Variants in FAHD1 observed in about 807,000 individuals in gnomAD.
FAHD1 encodes FAH domain containing oxaloacetate decarboxylase 1.
FAHD1 carries 14 observed loss-of-function variants against 12.7 expected under a neutral mutation model. The ratio of observed to expected loss-of-function variants is 1.10; its 90% CI spans 0.73 to 1.72. The LOEUF is 1.72. Ranked by LOEUF, FAHD1 falls within the 40% of genes most tolerant of loss-of-function variation. The pLI is 0.00. For synonymous variants in FAHD1, 153 were observed against 124.9 expected, an observed-to-expected ratio of 1.22 and a Z score of -1.50; for missense variants, 351 against 298.9, an observed-to-expected ratio of 1.17 and a Z score of -1.29.
chr16:1,827,436 C>G, exon 1 of FAHD1: 1 of 1,610,408 alleles, frequency 6.2e-7, no homozygotes, highest in Non-Finnish European at 8.5e-7. Context: ...GCAACCTGCA[C>G]CACGAGCTGG....
At chr16:1,830,942 A>ACACACC (rs763868736), downstream of FAHD1, among the ~76,000 whole-genome samples, 3 of 128,120 alleles carry the variant, frequency 2.3e-5, no homozygotes, top group East Asian at 6.7e-4. Flanking sequence ...ACACACACAC[A>ACACACC]CACCCATATT....
downstream of FAHD1, among the ~76,000 whole-genome samples, chr16:1,832,365 G>A (rs1459293530): frequency 2.0e-5 from 3 of 150,622 alleles, no homozygotes; most frequent in Non-Finnish European, 3.0e-5. Flanking sequence ...TAGAGACAGG[G>A]CTTCACCGTG....
At chr16:1,838,227 T>C (rs1280429238) in intron 2 of FAHD1, 6 of 421,654 alleles carry the variant, frequency 1.4e-5, no homozygotes, top group Non-Finnish European at 2.5e-5. Flanking sequence ...CTTGAACTCC[T>C]GGCCTCAAGT....
intron 1 of FAHD1, chr16:1,837,876 TAA>T: frequency 6.7e-6 from 9 of 1,346,594 alleles, no homozygotes; most frequent in Admixed American, 2.7e-5. Flanking sequence ...TGTACCTGGT[TAA>T]AAAAAAAATA....
intron 1 of FAHD1, among the ~76,000 whole-genome samples, chr16:1,835,977 A>G (rs928669081): frequency 6.6e-6 from 1 of 151,538 alleles, no homozygotes; most frequent in African/African-American, 2.4e-5. Flanking sequence ...CTACTGCCTC[A>G]GCCTCCTGAG....
chr16:1,827,870 G>A (rs1898532010), exon 1 of FAHD1: 2 of 1,613,878 alleles, frequency 1.2e-6, no homozygotes, highest in Admixed American at 1.7e-5. Flanking sequence ...GGGCTGGTCA[G>A]TATGACATTT....
exon 3 of FAHD1, chr16:1,839,479 A>T: frequency 6.5e-7 from 1 of 1,537,764 alleles, no homozygotes; most frequent in Non-Finnish European, 8.8e-7. Flanking sequence ...TGATGCCCTA[A>T]GCTACAAATT....
chr16:1,838,062 T>G, exon 2 of FAHD1: 2 of 1,068,846 alleles, frequency 1.9e-6, no homozygotes, highest in Non-Finnish European at 2.7e-6. Flanking sequence ...AGCAGTGCTA[T>G]CACAGCTCAC....
exon 1 of FAHD1, chr16:1,827,250 C>T (rs957502688): frequency 4.1e-5 from 66 of 1,608,622 alleles, no homozygotes; most frequent in Non-Finnish European, 5.2e-5. Flanking sequence ...TGGCAGCATC[C>T]AGGCCATTGT....
chr16:1,834,071 GA>G, intron 1 of FAHD1: 1 of 483,604 alleles, frequency 2.1e-6, no homozygotes, highest in East Asian at 3.4e-5. Context: ...GGCCTTCTAA[GA>G]AGGGAGGTCA....
chr16:1,832,724 T>C (rs12929915), downstream of FAHD1, among the ~76,000 whole-genome samples: 19,452 of 151,908 alleles, frequency 0.13, 1,734 homozygotes, highest in Middle Eastern at 0.29. Flanking sequence ...GAACCAACAG[T>C]GGGAGCCAAG....
chr16:1,827,860 G>A (rs1596952681), exon 1 of FAHD1: 1 of 1,614,054 alleles, frequency 6.2e-7, no homozygotes, highest in Admixed American at 1.7e-5. Context: ...TGGCATACAC[G>A]GGCTGGTCAG....
rs545551657 is a variant in FAHD1 at position 1,828,032 on chromosome 16, A to G, written c.*128A>G. 6.8e-6 allele frequency: 10 copies of G among 1,465,918 alleles called. 1 individual carries two copies. The East Asian group carries it at 2.5e-4, about 36-fold the overall frequency. The allele number at this position is 1,465,918 out of a possible 1,614,324, so 90.8% of individuals were successfully genotyped here. A position where few individuals can be genotyped will look rare whatever the true frequency, so the allele number is the denominator to read the frequency against. ...CGCGGTGGCTCACGCCTGTAATCGC[A>G]GCACTTTGGGAGGCCGAGGCGGGCG... On this transcript the variant is annotated 3_prime_UTR_variant, in exon 1 of 1. Transcript: ENST00000427358.
At chr16:1,827,576 G>A in exon 1 of FAHD1, 1 of 1,613,530 alleles carries the variant, frequency 6.2e-7, no homozygotes, top group Non-Finnish European at 8.5e-7. Context: ...AAGAAGAAGG[G>A]GCTGCCCTGG....
At chr16:1,837,855 C>A in intron 1 of FAHD1, 1 of 1,528,944 alleles carries the variant, frequency 6.5e-7, no homozygotes, top group South Asian at 1.3e-5. Flanking sequence ...TCTGTCATTG[C>A]AAGAAACTCA....
intron 1 of FAHD1, chr16:1,837,558 T>A (rs1898783594): frequency 9.2e-6 from 3 of 325,916 alleles, no homozygotes; most frequent in Non-Finnish European, 1.7e-5. Flanking sequence ...TAAAGGATAT[T>A]TTCTTTGTTG....
intron 1 of FAHD1, among the ~76,000 whole-genome samples, chr16:1,835,027 G>C (rs1898704310): frequency 1.3e-5 from 2 of 151,172 alleles, no homozygotes; most frequent in East Asian, 3.9e-4. Context: ...GGCCAAGGCA[G>C]GTAGATCACT....
exon 1 of FAHD1, chr16:1,827,583 C>G: frequency 6.2e-7 from 1 of 1,613,678 alleles, no homozygotes; most frequent in African/African-American, 1.3e-5. Flanking sequence ...AGGGGCTGCC[C>G]TGGACTCTGG....
chr16:1,836,323 A>G (rs1274318425), intron 1 of FAHD1, among the ~76,000 whole-genome samples: 1 of 152,238 alleles, frequency 6.6e-6, no homozygotes, highest in Non-Finnish European at 1.5e-5. Flanking sequence ...TCTCTGGGAA[A>G]GTGCAGTATC....
Sources: gnomAD v4.1 joint callset for allele counts (sites outside exome capture counted in the v4.1 genomes callset) on GRCh38, gnomAD v4.1.1 for gene constraint, MANE v1.5 for transcripts, NCBI Gene and HGNC (gene_info 2026-07-23, HGNC 2026-07-21) for gene names.